Variants in RTN4IP1 observed in about 807,000 individuals in gnomAD.
The protein encoded by RTN4IP1 is reticulon 4 interacting protein 1.
RTN4IP1 carries 32 observed loss-of-function variants against 46.6 expected under a neutral mutation model. That is an observed-to-expected ratio of 0.69 (90% CI 0.52 to 0.92). The LOEUF (loss-of-function observed/expected upper bound fraction) is 0.92. Ranked by LOEUF, RTN4IP1 falls within the 40% of genes least tolerant of loss-of-function variation. RTN4IP1 has a pLI of 0.00. For synonymous variants in RTN4IP1, 167 were observed against 161.8 expected, an observed-to-expected ratio of 1.03 and a Z score of -0.24; for missense variants, 424 against 485.8, an observed-to-expected ratio of 0.87 and a Z score of 1.20.
At chr6:106,620,643 T>C (rs1057364030) in intron 3 of RTN4IP1, among the ~76,000 whole-genome samples, 1 of 152,150 alleles carries the variant, frequency 6.6e-6, no homozygotes, top group Non-Finnish European at 1.5e-5. Context: ...CATAGCTCTA[T>C]CTGTTGCATA....
intron 4 of RTN4IP1, among the ~76,000 whole-genome samples, chr6:106,614,758 A>C (rs1346173387): frequency 1.3e-5 from 2 of 152,204 alleles, no homozygotes; most frequent in African/African-American, 4.8e-5. Flanking sequence ...TTGGCAACTT[A>C]AGTCACTTAA....
chr6:106,575,702 G>A (rs17067368), intron 8 of RTN4IP1, among the ~76,000 whole-genome samples: 21,534 of 152,170 alleles, frequency 0.14, 1,753 homozygotes, highest in African/African-American at 0.21. Context: ...TAACATATCC[G>A]AGTGGGCCTC....
chr6:106,598,752 T>C (rs900898890), intron 5 of RTN4IP1, among the ~76,000 whole-genome samples: 148 of 151,454 alleles, frequency 9.8e-4, no homozygotes, highest in Non-Finnish European at 2.0e-3. Context: ...TTTGGTGTTT[T>C]GGACATGAAG....
chr6:106,612,185 G>A (rs1173325426), intron 4 of RTN4IP1, among the ~76,000 whole-genome samples: 6 of 152,008 alleles, frequency 3.9e-5, no homozygotes, highest in East Asian at 3.9e-4. Context: ...TCAGGTGTTC[G>A]AGACCAGCCT....
rs9486412 is a variant in RTN4IP1, at chr6:106,572,213, A to G, written c.1084-110T>C. On this transcript the variant is annotated intron_variant, in intron 8 of 8. Transcript: ENST00000369063. The stretch of plus-strand genomic sequence containing the variant: ...TGTCCCTCAAGCCACAGTCTCTCTC[A>G]AGTGTCTCTCCAGTGGACCCAGGTC... 103,505 of 869,464 alleles carry G rather than the reference A, an allele frequency of 0.12. 6,673 individuals are homozygous for G. Among genetic ancestry groups the G allele is most frequent in the African/African-American group, 0.21 (12,262 of 59,676 alleles). 53.9% of individuals were successfully genotyped at this position (869,464 alleles called of 1,614,324 possible).
At chr6:106,612,022 G>A (rs1184553958) in intron 4 of RTN4IP1, among the ~76,000 whole-genome samples, 1 of 152,162 alleles carries the variant, frequency 6.6e-6, no homozygotes, top group African/African-American at 2.4e-5. Flanking sequence ...CCCCCCAAAT[G>A]GGATAGGCAG....
chr6:106,598,969 T>C (rs1348794237), intron 5 of RTN4IP1, among the ~76,000 whole-genome samples: 1 of 152,062 alleles, frequency 6.6e-6, no homozygotes, highest in African/African-American at 2.4e-5. Context: ...TTTAGTCTTC[T>C]ATTACTAAAT....
rs937525188 is a variant in RTN4IP1, at chr6:106,619,238, A to G, written c.584T>C (p.Val195Ala). The G allele has an allele frequency of 1.2e-6, 2 of 1,614,080 alleles. No individual in the cohort carries two copies. Among genetic ancestry groups the G allele is most frequent in the African/African-American group, 1.3e-5 (1 of 74,936 alleles). The change falls in exon 4 of 9, where the codon GTT becomes GCT. Residue 195 changes from valine (V) to alanine (A), a missense_variant. By Grantham distance (64) the Val-to-Ala change is moderately conservative. Coordinates refer to ENST00000369063, the MANE Select transcript of RTN4IP1 (RefSeq NM_032730.5). ...GCAATTCTTGTCATTCAGGCCACCA[A>G]CTTTGTTTATAGCAGACCAGGCTGT... ...ALTAWSAINK[V>A]GGLNDKNCTG...
rs1160605727 is a variant in RTN4IP1 at position 106,626,302 on chromosome 6, C to A, written c.274+2446G>T. 2.0e-5 allele frequency among the ~76,000 whole-genome samples: 3 copies of A among 152,018 alleles called. No homozygotes were observed. The East Asian group carries it at 5.8e-4, about 29-fold the overall frequency. On this transcript the variant is annotated intron_variant, in intron 1 of 8. Coordinates refer to ENST00000369063, the MANE Select transcript of RTN4IP1 (RefSeq NM_032730.5). Reference sequence around the variant, plus strand: ...TCTAAGCTGATGGCCATTATACCAACATTACAACATTTGCCATCTGGGGAG... The same window carrying A: ...TCTAAGCTGATGGCCATTATACCAAAATTACAACATTTGCCATCTGGGGAG...
At chr6:106,582,024 C>T (rs551908189) in intron 8 of RTN4IP1, among the ~76,000 whole-genome samples, 1 of 152,312 alleles carries the variant, frequency 6.6e-6, no homozygotes, top group East Asian at 1.9e-4. Context: ...AGGAGTTACA[C>T]AGTCACAATA....
chr6:106,597,996 T>C (rs1219746372), intron 5 of RTN4IP1, among the ~76,000 whole-genome samples: 2 of 152,212 alleles, frequency 1.3e-5, no homozygotes, highest in African/African-American at 4.8e-5. Context: ...ATTTCCAATT[T>C]CATCCATGTC....
At chr6:106,622,358 C>T (rs1258262570) in intron 2 of RTN4IP1, among the ~76,000 whole-genome samples, 1 of 152,172 alleles carries the variant, frequency 6.6e-6, no homozygotes, top group East Asian at 1.9e-4. Flanking sequence ...AGGAAGTAGA[C>T]ACAAACCTAC....
At chr6:106,608,469 A>G (rs1776140487) in intron 4 of RTN4IP1, among the ~76,000 whole-genome samples, 1 of 152,234 alleles carries the variant, frequency 6.6e-6, no homozygotes, top group South Asian at 2.1e-4. Flanking sequence ...TACTTTCAAA[A>G]AACTAAAAGA....
At chr6:106,625,628 A>T (rs1302829427) in intron 1 of RTN4IP1, among the ~76,000 whole-genome samples, 1 of 151,456 alleles carries the variant, frequency 6.6e-6, no homozygotes, top group Non-Finnish European at 1.5e-5. Flanking sequence ...TGGGATGGAC[A>T]GAGGACTTTT....
chr6:106,609,307 C>T (rs1357189457), intron 4 of RTN4IP1, among the ~76,000 whole-genome samples: 1 of 152,186 alleles, frequency 6.6e-6, no homozygotes, highest in African/African-American at 2.4e-5. Flanking sequence ...TGTAATCCGG[C>T]ACTTTGGGAG....
At position 106,617,758 on chromosome 6, in the gene RTN4IP1, C is replaced by A. The variant is rs368440485; in HGVS notation, c.620+1444G>T. Among the ~76,000 whole-genome samples, 220 of 152,152 alleles carry A rather than the reference C, an allele frequency of 1.4e-3. 1 individual carries two copies. The highest frequency in any genetic ancestry group is 5.1e-3 in the African/African-American group (211 of 41,506). On this transcript the variant is annotated intron_variant, in intron 4 of 8. Coordinates refer to ENST00000369063, the MANE Select transcript of RTN4IP1 (RefSeq NM_032730.5). The stretch of plus-strand genomic sequence containing the variant: ...TTTTACAGTATATTAAAAGTAAGTC[C>A]ACAGAGCCCTGAACCAGTAAAAGAA...
At chr6:106,627,123 T>C (rs2114687686) in intron 1 of RTN4IP1, among the ~76,000 whole-genome samples, 1 of 121,834 alleles carries the variant, frequency 8.2e-6, no homozygotes, top group East Asian at 2.3e-4. Context: ...TGACAATAAA[T>C]ATCCTCAAAA....
Position 106,571,933 on chromosome 6 carries a change from A to C in RTN4IP1, c.*63T>G. 8.8e-7 allele frequency: 1 copy of C among 1,133,528 alleles called. No homozygotes were observed. The highest frequency in any genetic ancestry group is 1.3e-6 in the Non-Finnish European group (1 of 756,570). The allele number at this position is 1,133,528 out of a possible 1,614,324, so 70.2% of individuals were successfully genotyped here. A position where few individuals can be genotyped will look rare whatever the true frequency, so the allele number is the denominator to read the frequency against. ...ATGTTTGAAAGGGATGGCTAGAAAA[A>C]AATTTGGGCTCACAGGCACTCACCA... On this transcript the variant is annotated 3_prime_UTR_variant, in exon 9 of 9. Transcript: ENST00000369063.
At chr6:106,621,384 T>C in intron 3 of RTN4IP1, 41 bp downstream of exon 3, 1 of 1,447,302 alleles carries the variant, frequency 6.9e-7, no homozygotes, top group Non-Finnish European at 9.7e-7. Context: ...CCAGTCTTTG[T>C]TTAAACTTTC....
Sources: allele counts gnomAD v4.1 joint callset (sites outside exome capture counted in the v4.1 genomes callset), GRCh38; gene constraint gnomAD v4.1.1; transcripts MANE v1.5; gene names NCBI Gene and HGNC (gene_info 2026-07-23, HGNC 2026-07-21).